MICU1: variants seen among roughly 807,000 people sequenced by gnomAD.
MICU1 encodes the protein mitochondrial calcium uptake 1.
A neutral mutation model predicts 56.8 loss-of-function variants in MICU1; 45 were observed. That is an observed-to-expected ratio of 0.79 (90% confidence interval 0.62 to 1.02). MICU1 has a LOEUF of 1.02. Ranked by LOEUF, MICU1 falls within the 50% of genes least tolerant of loss-of-function variation. The probability of loss-of-function intolerance (pLI) is 0.00; values close to 1 mark genes in which losing one functional copy is unlikely to be tolerated. For missense variants in MICU1, 504 were observed against 587.1 expected, an observed-to-expected ratio of 0.86 and a Z score of 1.46; for synonymous variants, 186 against 195.1, an observed-to-expected ratio of 0.95 and a Z score of 0.39.
intron 5 of MICU1, among the ~76,000 whole-genome samples, chr10:72,512,889 G>C (rs1439500039): frequency 6.6e-6 from 1 of 151,978 alleles, no homozygotes; most frequent in African/African-American, 2.4e-5. Context: ...ATTTTTTGTA[G>C]AGATGGGGTT....
intron 9 of MICU1, among the ~76,000 whole-genome samples, chr10:72,414,388 T>C (rs1328748041): frequency 6.6e-6 from 1 of 152,190 alleles, no homozygotes; most frequent in East Asian, 1.9e-4. Flanking sequence ...ACTATTAATA[T>C]AAGCATCTAC....
chr10:72,550,880 C>T (rs1037322880), intron 4 of MICU1, among the ~76,000 whole-genome samples: 3 of 152,166 alleles, frequency 2.0e-5, no homozygotes. Flanking sequence ...TAAAGAGTGA[C>T]TTGATAGCAG....
intron 5 of MICU1, among the ~76,000 whole-genome samples, chr10:72,530,041 A>G (rs1225528228): frequency 6.6e-6 from 1 of 150,964 alleles, no homozygotes; most frequent in Non-Finnish European, 1.5e-5. Context: ...ATTAAAACAA[A>G]AGCTGGCAGG....
At chr10:72,514,241 C>T (rs1457824504) in intron 5 of MICU1, among the ~76,000 whole-genome samples, 4 of 152,130 alleles carry the variant, frequency 2.6e-5, no homozygotes, top group Non-Finnish European at 5.9e-5. Context: ...TTAGTTCATA[C>T]ATCATCCTTT....
At chr10:72,488,634 A>AT (rs961065605) in intron 6 of MICU1, among the ~76,000 whole-genome samples, 22 of 151,048 alleles carry the variant, frequency 1.5e-4, no homozygotes, top group South Asian at 4.2e-4. Context: ...TATGTAACAG[A>AT]TTTTTTTTTT....
At chr10:72,456,850 TG>T (rs1564880577) in intron 8 of MICU1, among the ~76,000 whole-genome samples, 6 of 1,798 alleles carry the variant, frequency 3.3e-3, no homozygotes, top group African/African-American at 0.014. Flanking sequence ...GGGCTCATTT[TG>T]TGTGTGTGTG....
intron 4 of MICU1, among the ~76,000 whole-genome samples, chr10:72,548,440 C>T (rs917693686): frequency 3.9e-5 from 6 of 152,196 alleles, no homozygotes; most frequent in Middle Eastern, 3.4e-3. Context: ...TTTTTAATTG[C>T]AATATTTAAA....
chr10:72,385,263 G>C (rs1349597403), intron 10 of MICU1, among the ~76,000 whole-genome samples: 1 of 152,110 alleles, frequency 6.6e-6, no homozygotes, highest in African/African-American at 2.4e-5. Flanking sequence ...GCCGAGCTGG[G>C]CAGATCACCT....
intron 8 of MICU1, among the ~76,000 whole-genome samples, chr10:72,469,030 T>C (rs949026438): frequency 1.3e-5 from 2 of 152,198 alleles, no homozygotes; most frequent in Non-Finnish European, 2.9e-5. Context: ...CCTGTGACTT[T>C]TACCTCTTTG....
chr10:72,567,795 C>T (rs1840478800), intron 1 of MICU1, among the ~76,000 whole-genome samples: 1 of 152,112 alleles, frequency 6.6e-6, no homozygotes, highest in Non-Finnish European at 1.5e-5. Flanking sequence ...ACAAAGGGCA[C>T]ACTAGACTCA....
chr10:72,550,397 T>C (rs376920750), intron 4 of MICU1, among the ~76,000 whole-genome samples: 1 of 152,204 alleles, frequency 6.6e-6, no homozygotes, highest in East Asian at 1.9e-4. Flanking sequence ...AAGTACTCCA[T>C]GATGTTTGCA....
At chr10:72,534,283 T>A (rs898913263) in intron 4 of MICU1, among the ~76,000 whole-genome samples, 4 of 152,022 alleles carry the variant, frequency 2.6e-5, no homozygotes, top group African/African-American at 7.2e-5. Flanking sequence ...AGGTTAAATT[T>A]AAAAATTTAC....
intron 9 of MICU1, among the ~76,000 whole-genome samples, chr10:72,416,204 A>T (rs564195880): frequency 4.7e-4 from 72 of 152,308 alleles, no homozygotes; most frequent in Admixed American, 1.2e-3. Context: ...GGGAAAAAAC[A>T]GGAAAATAAT....
intron 1 of MICU1, among the ~76,000 whole-genome samples, chr10:72,586,501 A>G (rs998508208): frequency 6.6e-6 from 1 of 151,960 alleles, no homozygotes; most frequent in Non-Finnish European, 1.5e-5. Context: ...AAATACAAAA[A>G]TTTAGCCGGG....
intron 8 of MICU1, among the ~76,000 whole-genome samples, chr10:72,464,783 G>C (rs759699671): frequency 6.6e-6 from 1 of 152,152 alleles, no homozygotes; most frequent in Non-Finnish European, 1.5e-5. Flanking sequence ...TAGCAAACTT[G>C]AGCTGGAGAG....
chr10:72,415,951 A>G (rs1488506912), intron 9 of MICU1, among the ~76,000 whole-genome samples: 4 of 152,196 alleles, frequency 2.6e-5, no homozygotes, highest in Admixed American at 2.0e-4. Flanking sequence ...CTGAAATATG[A>G]TAATTCTACC....
At chr10:72,585,740 C>T (rs1841032027) in intron 1 of MICU1, among the ~76,000 whole-genome samples, 2 of 151,934 alleles carry the variant, frequency 1.3e-5, no homozygotes, top group Admixed American at 1.3e-4. Flanking sequence ...GTGCTGTTAA[C>T]CAGTTAACCA....
chr10:72,394,593 T>C (rs1863184525), intron 10 of MICU1, among the ~76,000 whole-genome samples: 1 of 150,968 alleles, frequency 6.6e-6, no homozygotes, highest in Non-Finnish European at 1.5e-5. Context: ...ATCACTGCAC[T>C]CCAGTCTAGG....
rs953020608 is a variant in MICU1, at chr10:72,616,974, T to C, written c.-2+9036A>G. ...TCTAGGCAGCAAGCCAGAGCAATCA[T>C]AGACCTCATCTCATTTCTTTCCTAT... On this transcript the variant is annotated intron_variant, in intron 1 of 11. Coordinates refer to ENST00000361114, the MANE Select transcript of MICU1 (RefSeq NM_001195518.2). 2.6e-5 allele frequency among the ~76,000 whole-genome samples: 4 copies of C among 152,240 alleles called. No homozygotes were observed. In the South Asian group the frequency reaches 8.3e-4, roughly 32 times the overall value.
Sources: gnomAD v4.1 joint callset for allele counts (sites outside exome capture counted in the v4.1 genomes callset) on GRCh38, gnomAD v4.1.1 for gene constraint, MANE v1.5 for transcripts, NCBI Gene and HGNC (gene_info 2026-07-23, HGNC 2026-07-21) for gene names.